The following ARHGEF19 variants were observed in gnomAD, a reference collection of about 807,000 sequenced individuals.
ARHGEF19 encodes the protein Rho guanine nucleotide exchange factor 19, also known as Rho guanine nucleotide exchange factor (GEF) 19.
ARHGEF19 carries 92 observed loss-of-function variants against 87.6 expected under a neutral mutation model. The ratio of observed to expected loss-of-function variants is 1.05; its 90% confidence interval spans 0.89 to 1.25. The LOEUF (loss-of-function observed/expected upper bound fraction) is 1.25, where lower values mean the gene tolerates loss of function less well. ARHGEF19 is among the 50% of genes most tolerant of loss of function. ARHGEF19 has a pLI of 0.00. For missense variants in ARHGEF19, 1,054 were observed against 1,051.8 expected, an observed-to-expected ratio of 1.00 and a Z score of -0.03; for synonymous variants, 438 against 446.2, an observed-to-expected ratio of 0.98 and a Z score of 0.23.
At chr1:16,201,897 A>C in intron 13 of ARHGEF19, 36 bp from the exon 14 acceptor site, 2 of 1,607,148 alleles carry the variant, frequency 1.2e-6, no homozygotes, top group South Asian at 2.2e-5. Context: ...CACAATATGC[A>C]AAGTGCAGTT....
chr1:16,205,274 G>A lies in ARHGEF19; in HGVS notation c.1656+77C>T, dbSNP rs930405551. The A allele has an allele frequency of 5.6e-6, 9 of 1,605,106 alleles. No individual in the cohort carries two copies. The highest frequency in any genetic ancestry group is 5.5e-5 in the South Asian group (5 of 90,654). On this transcript the variant is annotated intron_variant, in intron 10 of 15. Transcript: ENST00000270747. The surrounding 1 kb of genome is among the most constrained non-coding windows in gnomAD (Gnocchi z 5.8). The stretch of plus-strand genomic sequence containing the variant: ...CTGGGGACCGGAGACTCTGACAGCT[G>A]GGGGCTGTTTTAGAGACGTGCTGGG...
Position 16,199,261 on chromosome 1 carries a change from G to A in ARHGEF19, c.2147-7C>T. The stretch of plus-strand genomic sequence containing the variant: ...CACTGAACCTGGGGGCAATCTGACA[G>A]CCCAAGGGAGGCTCAGGGAGTCCCA... On this transcript the variant is annotated splice_polypyrimidine_tract_variant and splice_region_variant and intron_variant, in intron 14 of 15. Coordinates refer to ENST00000270747, the MANE Select transcript of ARHGEF19 (RefSeq NM_153213.5). 6.2e-7 allele frequency: 1 copy of A among 1,613,706 alleles called. No homozygotes were observed. The highest frequency in any genetic ancestry group is 8.5e-7 in the Non-Finnish European group (1 of 1,179,700).
chr1:16,211,366 T>C (rs1161551333), intron 1 of ARHGEF19, among the ~76,000 whole-genome samples: 1 of 152,128 alleles, frequency 6.6e-6, no homozygotes, highest in Non-Finnish European at 1.5e-5. Context: ...CATGTACACA[T>C]GCCCCCTGCC....
chr1:16,207,238 G>A lies in ARHGEF19; in HGVS notation c.875-28C>T. On this transcript the variant is annotated intron_variant, in intron 5 of 15. Transcript: ENST00000270747. This position sits in a 1 kb window ranked among gnomAD's most constrained non-coding sequence, Gnocchi z 4.0. ...GGGGGAAAGACGGGCGGGGGAGAGCGTGGGGCGCCCGCCAGCCCCTGCCCG... is the reference window on the plus strand; with the variant it reads ...GGGGGAAAGACGGGCGGGGGAGAGCATGGGGCGCCCGCCAGCCCCTGCCCG... The A allele has an allele frequency of 6.8e-7, 1 of 1,477,114 alleles. No individual in the cohort carries two copies. The highest frequency in any genetic ancestry group is 2.4e-5 in the Admixed American group (1 of 41,302). 91.5% of individuals were successfully genotyped at this position (1,477,114 alleles called of 1,614,324 possible).
chr1:16,203,566 C>T (rs1219827924), intron 12 of ARHGEF19, among the ~76,000 whole-genome samples: 2 of 152,204 alleles, frequency 1.3e-5, no homozygotes, highest in African/African-American at 4.8e-5. Flanking sequence ...CTCCCTGCTG[C>T]CTCAGAAAAA....
In ARHGEF19 at chr1:16,206,799, A is replaced by G. The variant is rs1250230506; in HGVS notation, c.1137+149T>C. Reference sequence around the variant, plus strand: ...CGCTTCCAGACGGCCTCGTGTAGTCAGGTCCTAGAGCCAACCTTCCGCGCG... The same window carrying G: ...CGCTTCCAGACGGCCTCGTGTAGTCGGGTCCTAGAGCCAACCTTCCGCGCG... On this transcript the variant is annotated intron_variant, in intron 6 of 15. Coordinates refer to ENST00000270747, the MANE Select transcript of ARHGEF19 (RefSeq NM_153213.5). This position sits in a 1 kb window ranked among gnomAD's most constrained non-coding sequence, Gnocchi z 4.6. 18 of 1,032,906 alleles carry G rather than the reference A, an allele frequency of 1.7e-5. No homozygotes were observed. The highest frequency in any genetic ancestry group is 2.2e-5 in the Non-Finnish European group (17 of 759,574). The allele number at this position is 1,032,906 out of a possible 1,614,324, so 64.0% of individuals were successfully genotyped here.
At position 16,206,440 on chromosome 1, in the gene ARHGEF19, T is replaced by C. The variant is rs1431017393; in HGVS notation, c.1138-100A>G. ...CCCCAGGACGCCACACCTCGCGTCC[T>C]CGCCCCTTCTCTAGCCCCACTCCTA... On this transcript the variant is annotated intron_variant, in intron 6 of 15. Transcript: ENST00000270747. The surrounding 1 kb of genome is among the most constrained non-coding windows in gnomAD (Gnocchi z 4.6). The C allele has an allele frequency of 1.5e-6, 2 of 1,336,078 alleles. No individual in the cohort carries two copies. The highest frequency in any genetic ancestry group is 2.0e-5 in the Admixed American group (1 of 49,732). 82.8% of individuals were successfully genotyped at this position (1,336,078 alleles called of 1,614,324 possible). A position where few individuals can be genotyped will look rare whatever the true frequency, so the allele number is the denominator to read the frequency against.
At chr1:16,204,678 G>C in intron 12 of ARHGEF19, 81 bp downstream of exon 12, 1 of 1,462,266 alleles carries the variant, frequency 6.8e-7, no homozygotes, top group South Asian at 1.4e-5. Flanking sequence ...GCCCAGGGAT[G>C]GACTGGTCAT....
At chr1:16,201,699 G>T in intron 14 of ARHGEF19, 83 bp downstream of exon 14, 2 of 1,460,532 alleles carry the variant, frequency 1.4e-6, no homozygotes, top group Non-Finnish European at 9.3e-7. Flanking sequence ...AGCCCTGCCA[G>T]CAACACAGCA....
intron 1 of ARHGEF19, among the ~76,000 whole-genome samples, chr1:16,211,813 T>A (rs1028780090): frequency 7.9e-5 from 12 of 152,186 alleles, no homozygotes; most frequent in African/African-American, 2.9e-4. Flanking sequence ...GAAAGAGAAC[T>A]GGCCCCAGAC....
intron 1 of ARHGEF19, among the ~76,000 whole-genome samples, chr1:16,210,346 C>T (rs530184377): frequency 1.6e-3 from 240 of 152,294 alleles, no homozygotes; most frequent in South Asian, 3.1e-3. Flanking sequence ...GTGGGCAGGC[C>T]GGGCAGCCAG....
intron 14 of ARHGEF19, among the ~76,000 whole-genome samples, chr1:16,200,416 A>G (rs1448670363): frequency 3.9e-5 from 6 of 152,120 alleles, no homozygotes; most frequent in African/African-American, 1.4e-4. Flanking sequence ...TCCCTTTACT[A>G]CCTAAAGCTC....
Position 16,201,958 on chromosome 1 carries a change from C to T in ARHGEF19, c.2067-97G>A, listed in dbSNP as rs1569699703. 7 of 1,326,670 alleles carry T rather than the reference C, an allele frequency of 5.3e-6. No homozygotes were observed. The East Asian group carries it at 1.7e-4, about 32-fold the overall frequency. 82.2% of individuals were successfully genotyped at this position (1,326,670 alleles called of 1,614,324 possible). On this transcript the variant is annotated intron_variant, in intron 13 of 15. Transcript: ENST00000270747. ...GGCTGGGGGAGCCAGACATGATGTC[C>T]AGGCCTAGGACCCAGGCCTACCCTA...
rs778015737 is a variant in ARHGEF19 at position 16,205,399 on chromosome 1, G to A, written c.1608C>T (p.Gly536=). Residue 536 remains glycine, a synonymous_variant, in exon 10 of 16, where the codon GGC becomes GGT. Transcript: ENST00000270747. This position sits in a 1 kb window ranked among gnomAD's most constrained non-coding sequence, Gnocchi z 5.8. ...TGGTGGCCATGTCTTCGTCTTCAGA[G>A]CCCTGTGCTGTCCGCTTCAGGATGT... ...VENILKRTAQ[G]SEDEDMATKA... 1.2e-6 allele frequency: 2 copies of A among 1,612,916 alleles called. No homozygotes were observed. The highest frequency in any genetic ancestry group is 1.1e-5 in the South Asian group (1 of 91,042).
intron 1 of ARHGEF19, among the ~76,000 whole-genome samples, chr1:16,212,096 G>C (rs76549396): frequency 0.043 from 6,519 of 152,276 alleles, 448 homozygotes; most frequent in African/African-American, 0.15. Flanking sequence ...GGCCAAGAAG[G>C]ATGGGCAGGG....
Position 16,204,935 on chromosome 1 carries a change from A to G in ARHGEF19, c.1747-16T>C. On this transcript the variant is annotated splice_polypyrimidine_tract_variant and intron_variant, in intron 11 of 15. Coordinates refer to ENST00000270747, the MANE Select transcript of ARHGEF19 (RefSeq NM_153213.5). ...GCGGGAAAATCTAGAGGGATGGAGA[A>G]GGATGGGTCAGGCCCAGGGGCACCA... The G allele has an allele frequency of 6.3e-7, 1 of 1,592,392 alleles. No homozygotes were observed. Among genetic ancestry groups the G allele is most frequent in the East Asian group, 2.3e-5 (1 of 44,118 alleles).
Position 16,205,313 on chromosome 1 carries a change from C to A in ARHGEF19, c.1656+38G>T, listed in dbSNP as rs773177311. 1 of 1,612,950 alleles carries A rather than the reference C, an allele frequency of 6.2e-7. No homozygotes were observed. The highest frequency in any genetic ancestry group is 8.5e-7 in the Non-Finnish European group (1 of 1,179,294). On this transcript the variant is annotated intron_variant, in intron 10 of 15. Coordinates refer to ENST00000270747, the MANE Select transcript of ARHGEF19 (RefSeq NM_153213.5). This position sits in a 1 kb window ranked among gnomAD's most constrained non-coding sequence, Gnocchi z 5.8. ...AGACGTGCTGGGGGTCCAGGGGGGG[C>A]CTCAGGAGCCAAGCAGCCCCTGCCC... is the stretch of plus-strand genomic sequence containing the variant.
chr1:16,204,650 A>ACAGGC, intron 12 of ARHGEF19, 109 bp downstream of exon 12: 1 of 1,328,542 alleles, frequency 7.5e-7, no homozygotes, highest in Non-Finnish European at 1.0e-6. Flanking sequence ...ATACCCTGGC[A>ACAGGC]CAGGCAGGGA....
In ARHGEF19 at chr1:16,207,980, G is replaced by GT. The variant is rs1265869847; in HGVS notation, c.657dup (p.Leu220ThrfsTer37). 11 of 1,611,958 alleles carry GT rather than the reference G, an allele frequency of 6.8e-6. No individual in the cohort carries two copies. Among genetic ancestry groups the GT allele is most frequent in the Non-Finnish European group, 9.3e-6 (11 of 1,179,828 alleles). ...GCTCCGGTGCCTGACCCAGAGATGAGTGCCCGGGCTGCTGAATTCCGCCCC... is the reference window on the plus strand; with the variant it reads ...GCTCCGGTGCCTGACCCAGAGATGAGTTGCCCGGGCTGCTGAATTCCGCCCC... On this transcript the variant is annotated frameshift_variant, in exon 3 of 16. Coordinates refer to ENST00000270747, the MANE Select transcript of ARHGEF19 (RefSeq NM_153213.5). LOFTEE classifies it high-confidence loss of function. The surrounding 1 kb of genome is among the most constrained non-coding windows in gnomAD (Gnocchi z 4.0).
Sources: gnomAD v4.1 joint callset for allele counts (sites outside exome capture counted in the v4.1 genomes callset) on GRCh38, gnomAD v4.1.1 for gene constraint, Gnocchi (gnomAD v3.1) non-coding constraint, MANE v1.5 for transcripts, NCBI Gene and HGNC (gene_info 2026-07-23, HGNC 2026-07-21) for gene names.